The following TTN variants were observed in gnomAD, a reference collection of about 807,000 sequenced individuals.
The protein encoded by TTN is connectin.
A neutral mutation model predicts 3,223.0 loss-of-function variants in TTN; 1,525 were observed. The observed-to-expected ratio is 0.47, with a 90% confidence interval of 0.45 to 0.49. The LOEUF is 0.49. TTN is among the 20% of genes least tolerant of loss of function. TTN has a pLI of 0.00. For missense variants in TTN, 40,786 were observed against 43,424.0 expected, an observed-to-expected ratio of 0.94 and a Z score of 5.40; for synonymous variants, 14,094 against 15,161.0, an observed-to-expected ratio of 0.93 and a Z score of 5.17.
rs1703534719 is a variant in TTN at position 178,561,197 on chromosome 2, A to C, written c.84935T>G (p.Phe28312Cys). 1 of 1,613,580 alleles carries C rather than the reference A, an allele frequency of 6.2e-7. No individual in the cohort carries two copies. The highest frequency in any genetic ancestry group is 1.7e-5 in the Admixed American group (1 of 59,988). Reference protein sequence around the residue: ...CNYTNIQETYFEVTELTEDQR... With the variant: ...CNYTNIQETYCEVTELTEDQR... ...ATCTTCAGTAAGTTCAGTTACTTCA[A>C]AGTATGTTTCTTGTATATTAGTATA... is the stretch of plus-strand genomic sequence containing the variant. The change falls in exon 326 of 363, where the codon TTT becomes TGT. Residue 28312 changes from phenylalanine to cysteine, a missense_variant. Physicochemically the swap from Phe to Cys is radical, Grantham distance 205. Coordinates refer to ENST00000589042, the MANE Select transcript of TTN (RefSeq NM_001267550.2).
Position 178,591,421 on chromosome 2 carries a change from T to A in TTN, c.60304A>T (p.Ile20102Leu), listed in dbSNP as rs755647048. ...GCAGTAGGAACAGGCACACCTCTTATAATAGCAGGGAATCTGACTGTGGTT... is the reference window on the plus strand; with the variant it reads ...GCAGTAGGAACAGGCACACCTCTTAAAATAGCAGGGAATCTGACTGTGGTT... ...AGTTVRFPAI[I>L]RGVPVPTAKW... Residue 20102 changes from isoleucine to leucine, a missense_variant, in exon 304 of 363, where the codon ATA (isoleucine) becomes TTA (leucine). By Grantham distance (5) the Ile-to-Leu change is conservative (BLOSUM62 2). Coordinates refer to ENST00000589042, the MANE Select transcript of TTN (RefSeq NM_001267550.2). 6.2e-7 allele frequency: 1 copy of A among 1,608,456 alleles called. No homozygotes were observed. Among genetic ancestry groups the A allele is most frequent in the Non-Finnish European group, 8.5e-7 (1 of 1,177,462 alleles).
Position 178,537,371 on chromosome 2 carries a change from A to G in TTN, c.99836T>C (p.Val33279Ala), listed in dbSNP as rs770098799. Reference sequence around the variant, plus strand: ...TATTTCCACATCAAGGATGGCATCAACTGTTCCAAAAACATTGCTGAGCTG... The same window carrying G: ...TATTTCCACATCAAGGATGGCATCAGCTGTTCCAAAAACATTGCTGAGCTG... Reference protein sequence around the residue: ...KVQLSNVFGTVDAILDVEIQD... With the variant: ...KVQLSNVFGTADAILDVEIQD... Residue 33279 changes from valine (V) to alanine (A), a missense_variant, in exon 355 of 363, where the codon GTT (valine) becomes GCT (alanine). Transcript: ENST00000589042. 2 of 1,590,470 alleles carry G rather than the reference A, an allele frequency of 1.3e-6. No individual in the cohort carries two copies. Among genetic ancestry groups the G allele is most frequent in the Admixed American group, 3.5e-5 (2 of 57,638 alleles).
intron 165 of TTN, among the ~76,000 whole-genome samples, chr2:178,665,151 T>C (rs996169164): frequency 6.6e-6 from 1 of 152,160 alleles, no homozygotes; most frequent in Admixed American, 6.6e-5. Context: ...ACTCTCATTA[T>C]AAAGGATTTG....
In TTN at chr2:178,570,881, C is replaced by T. The variant is rs794729496; in HGVS notation, c.75251G>A (p.Arg25084Gln). Residue 25084 changes from arginine to glutamine, a missense_variant, in exon 326 of 363, where the codon CGA (arginine) becomes CAA (glutamine). Coordinates refer to ENST00000589042, the MANE Select transcript of TTN (RefSeq NM_001267550.2). ...DHRYEFRVIA[R>Q]NAAGVFSEPS... ...CTCACTAAACACTCCTGCGGCATTTCGGGCTATAACCCGGAACTCATATCT... is the reference window on the plus strand; with the variant it reads ...CTCACTAAACACTCCTGCGGCATTTTGGGCTATAACCCGGAACTCATATCT... 1.8e-5 allele frequency: 29 copies of T among 1,613,418 alleles called. 1 individual carries two copies. Among genetic ancestry groups the T allele is most frequent in the East Asian group, 2.2e-5 (1 of 44,828 alleles).
intron 25 of TTN, 29 bp from the exon 26 acceptor site, chr2:178,777,613 A>G: frequency 6.2e-7 from 1 of 1,613,362 alleles, no homozygotes; most frequent in East Asian, 2.2e-5. Flanking sequence ...AAGAAAGTAG[A>G]TTTTAAAATA....
chr2:178,612,689 T>C (rs1442941828), intron 265 of TTN, 84 bp downstream of exon 265: 3 of 1,533,328 alleles, frequency 2.0e-6, no homozygotes, highest in Non-Finnish European at 2.6e-6. Context: ...ATAATAGTAA[T>C]GAATTTTTCA....
intron 226 of TTN, 65 bp from the exon 227 acceptor site, chr2:178,635,780 A>ATTC: frequency 6.5e-7 from 1 of 1,530,424 alleles, no homozygotes; most frequent in Non-Finnish European, 8.8e-7. Context: ...TAGCTTCCTT[A>ATTC]GTAAATTTCA....
rs1372427640 is a variant in TTN at position 178,773,885 on chromosome 2, G to T, written c.7283C>A (p.Thr2428Asn). 1 of 1,613,954 alleles carries T rather than the reference G, an allele frequency of 6.2e-7. No individual in the cohort carries two copies. Among genetic ancestry groups the T allele is most frequent in the Non-Finnish European group, 8.5e-7 (1 of 1,179,972 alleles). ...GGTGGAGAGGCCAAGGGCTGGAATG[G>T]TGAAAGAGTAATTTCCAGCATCTTC... ...TKEDAGNYSF[T>N]IPALGLSTSG... is the part of the protein sequence containing the mutation. Residue 2428 changes from threonine to asparagine, a missense_variant, in exon 31 of 363, where the codon ACC becomes AAC. Transcript: ENST00000589042.
At chr2:178,699,623 A>G (rs1193251601) in intron 111 of TTN, among the ~76,000 whole-genome samples, 22 of 143,158 alleles carry the variant, frequency 1.5e-4, no homozygotes, top group African/African-American at 4.1e-4. Flanking sequence ...GTGTTAGCCA[A>G]GATGGTCTCG....
In TTN at chr2:178,723,624, A is replaced by G. The variant is rs749509937; in HGVS notation, c.21476T>C (p.Val7159Ala). The G allele has an allele frequency of 6.2e-6, 10 of 1,612,192 alleles. No homozygotes were observed. In the South Asian group the frequency reaches 1.1e-4, roughly 18 times the overall value. ...TTTGAATGGAGGGGTTCCTCTAATA[A>G]CGCTTGTGAAGGTTACATTTTTGCC... The part of the protein sequence containing the change: ...LPGKNVTFTS[V>A]IRGTPPFKVN... Residue 7159 changes from valine (V) to alanine (A), a missense_variant, in exon 74 of 363, where the codon GTT (valine) becomes GCT (alanine). Transcript: ENST00000589042.
Position 178,565,968 on chromosome 2 carries a change from T to G in TTN, c.80164A>C (p.Lys26722Gln). ...GAKVKNYVIDKRESTRKAYAN... is the reference protein window; with the variant it reads ...GAKVKNYVIDQRESTRKAYAN... ...TACGCTTTTCTGGTTGACTCACGTT[T>G]GTCAATCACATAGTTCTTGACCTTT... Residue 26722 changes from lysine (K) to glutamine (Q), a missense_variant, in exon 326 of 363, where the codon AAA becomes CAA. Lys to Gln is a moderately conservative substitution (Grantham distance 53). Transcript: ENST00000589042. The G allele has an allele frequency of 6.2e-7, 1 of 1,613,670 alleles. No homozygotes were observed. The highest frequency in any genetic ancestry group is 8.5e-7 in the Non-Finnish European group (1 of 1,179,678).
At chr2:178,707,083 T>A in intron 100 of TTN, 129 bp from the exon 101 acceptor site, 1 of 759,620 alleles carries the variant, frequency 1.3e-6, no homozygotes, top group Non-Finnish European at 2.0e-6. Flanking sequence ...TCTTTCTATG[T>A]AAGGGTGGGT....
intron 156 of TTN, among the ~76,000 whole-genome samples, chr2:178,670,684 G>T (rs1283782330): frequency 6.6e-6 from 1 of 151,798 alleles, no homozygotes; most frequent in African/African-American, 2.4e-5. Flanking sequence ...TGAAATTTAA[G>T]AGATTTGCAA....
At position 178,544,284 on chromosome 2, in the gene TTN, G is replaced by A; in HGVS notation, c.95945C>T (p.Ser31982Phe). The A allele has an allele frequency of 1.2e-6, 2 of 1,613,778 alleles. No individual in the cohort carries two copies. The highest frequency in any genetic ancestry group is 1.7e-6 in the Non-Finnish European group (2 of 1,179,740). ...VPDLKMGQKY[S>F]FRVAAVNVKG... ...CACGTTCACGGCAGCAACTCTGAAG[G>A]AATATTTCTGGCCCATTTTAAGGTC... The change falls in exon 345 of 363, where the codon TCC becomes TTC. Residue 31982 changes from serine to phenylalanine, a missense_variant. Transcript: ENST00000589042.
Position 178,534,054 on chromosome 2 carries a change from G to A in TTN, c.102561C>T (p.Tyr34187=), listed in dbSNP as rs375625664. Residue 34187 remains tyrosine, a synonymous_variant, in exon 358 of 363, where the codon TAC becomes TAT. Transcript: ENST00000589042. The stretch of plus-strand genomic sequence containing the variant: ...CATAGAGGATGGCCACTCCATCTTC[G>A]TAGGTGATTTCGTATTTCTCACTGT... The part of the protein sequence containing the change: ...LENSEKYEIT[Y]EDGVAILYVK... 1.2e-4 allele frequency: 187 copies of A among 1,613,842 alleles called. No homozygotes were observed. Among genetic ancestry groups the A allele is most frequent in the Admixed American group, 5.0e-4 (30 of 59,996 alleles).
Position 178,707,516 on chromosome 2 carries a change from G to C in TTN, c.29041+10C>G. On this transcript the variant is annotated intron_variant, in intron 100 of 362. Coordinates refer to ENST00000589042, the MANE Select transcript of TTN (RefSeq NM_001267550.2). ...GCTTGAGCTGCATAATACTTTTGAG[G>C]TGTCTGTACCTTTAATGGTCACTTT... 6.2e-7 allele frequency: 1 copy of C among 1,605,788 alleles called. No homozygotes were observed.
Position 178,732,342 on chromosome 2 carries a change from C to T in TTN, c.16627G>A (p.Ala5543Thr), listed in dbSNP as rs1460498518. Residue 5543 changes from alanine (A) to threonine (T), a missense_variant, in exon 57 of 363, where the codon GCC (alanine) becomes ACC (threonine). By Grantham distance (58) the Ala-to-Thr change is moderately conservative (BLOSUM62 0). Coordinates refer to ENST00000589042, the MANE Select transcript of TTN (RefSeq NM_001267550.2). Reference protein sequence around the residue: ...CSANLFVKEPATFVEKLEPSQ... With the variant: ...CSANLFVKEPTTFVEKLEPSQ... ...GGCTCTAACTTTTCAACAAATGTGG[C>T]AGGTTCTGTGGAAGGAAGGAAGTTA... 1 of 1,597,158 alleles carries T rather than the reference C, an allele frequency of 6.3e-7. No individual in the cohort carries two copies. Among genetic ancestry groups the T allele is most frequent in the African/African-American group, 1.3e-5 (1 of 74,278 alleles).
chr2:178,566,185 T>C lies in TTN; in HGVS notation c.79947A>G (p.Ser26649=). The C allele has an allele frequency of 1.9e-6, 3 of 1,613,706 alleles. No homozygotes were observed. In the South Asian group the frequency reaches 3.3e-5, roughly 18 times the overall value. The stretch of plus-strand genomic sequence containing the variant: ...CATCATTTCTATCACAGTTATCTAT[T>C]GATAGTTGGGTATAGTTTACTCCCT... ...IEKGVNYTQL[S]IDNCDRNDAG... Residue 26649 remains serine (S), a synonymous_variant, in exon 326 of 363, where the codon TCA becomes TCG. Transcript: ENST00000589042.
rs1705874330 is a variant in TTN, at chr2:178,566,392, A to G, written c.79740T>C (p.Thr26580=). 1 of 1,613,526 alleles carries G rather than the reference A, an allele frequency of 6.2e-7. No individual in the cohort carries two copies. The highest frequency in any genetic ancestry group is 8.5e-7 in the Non-Finnish European group (1 of 1,179,678). ...GLGEATSVPG[T]VKPEDKLEAP... ...CTTCAAGTTTATCTTCTGGTTTCAC[A>G]GTACCAGGAACTGATGTAGCCTCAC... is the stretch of plus-strand genomic sequence containing the variant. Residue 26580 remains threonine, a synonymous_variant, in exon 326 of 363, where the codon ACT becomes ACC. Transcript: ENST00000589042.
Sources: gnomAD v4.1 joint callset for allele counts (sites outside exome capture counted in the v4.1 genomes callset) on GRCh38, gnomAD v4.1.1 for gene constraint, MANE v1.5 for transcripts, NCBI Gene and HGNC (gene_info 2026-07-23, HGNC 2026-07-21) for gene names.